Variants in MAP3K1 observed in about 807,000 individuals in gnomAD.
The protein encoded by MAP3K1 is mitogen-activated protein kinase kinase kinase 1.
A neutral mutation model predicts 144.2 loss-of-function variants in MAP3K1; 36 were observed. The ratio of observed to expected loss-of-function variants is 0.25; its 90% confidence interval spans 0.19 to 0.33. The LOEUF (loss-of-function observed/expected upper bound fraction) is 0.33, where lower values mean the gene tolerates loss of function less well. MAP3K1 is among the 10% of genes least tolerant of loss of function. MAP3K1 has a pLI of 1.00. For missense variants in MAP3K1, 1,650 were observed against 1,881.9 expected, an observed-to-expected ratio of 0.88 and a Z score of 2.28; for synonymous variants, 718 against 688.7, an observed-to-expected ratio of 1.04 and a Z score of -0.67.
Position 56,856,677 on chromosome 5 carries a change from A to G in MAP3K1, c.560A>G (p.Glu187Gly). 1 of 1,614,026 alleles carries G rather than the reference A, an allele frequency of 6.2e-7. No homozygotes were observed. Among genetic ancestry groups the G allele is most frequent in the Admixed American group, 1.7e-5 (1 of 60,016 alleles). Residue 187 changes from glutamate (E) to glycine (G), a missense_variant, in exon 2 of 20, where the codon GAG (glutamate) becomes GGG (glycine). This residue lies in a region of MAP3K1 where 148 missense variants were observed against 177.2 expected (regional missense o/e 0.84). Transcript: ENST00000399503. Reference protein sequence around the residue: ...DDRPEERMIREKLKATCMPAW... With the variant: ...DDRPEERMIRGKLKATCMPAW... ...CGTCCAGAGGAACGAATGATCAGGG[A>G]GAAACTGAAGGCAACCTGTATGCCA...
At chr5:56,819,826 C>G (rs761146332) in intron 1 of MAP3K1, among the ~76,000 whole-genome samples, 13 of 152,126 alleles carry the variant, frequency 8.5e-5, no homozygotes, top group African/African-American at 3.1e-4. Context: ...CTTTCTATAT[C>G]CTAAGTTAAA....
chr5:56,819,980 A>T (rs1346112267), intron 1 of MAP3K1, among the ~76,000 whole-genome samples: 1 of 152,200 alleles, frequency 6.6e-6, no homozygotes, highest in Non-Finnish European at 1.5e-5. Context: ...GAATTAGTAA[A>T]TGGTTCATTG....
chr5:56,884,139 A>T (rs988037912), intron 15 of MAP3K1, among the ~76,000 whole-genome samples: 1 of 152,016 alleles, frequency 6.6e-6, no homozygotes, highest in Non-Finnish European at 1.5e-5. Context: ...ACAGAGCAAG[A>T]CTGTCTCAAA....
intron 10 of MAP3K1, among the ~76,000 whole-genome samples, chr5:56,875,574 G>A (rs988977012): frequency 1.3e-5 from 2 of 152,052 alleles, no homozygotes. Context: ...GTATCCAAGG[G>A]AGAGAATATA....
intron 19 of MAP3K1, among the ~76,000 whole-genome samples, chr5:56,888,827 T>A (rs1369011298): frequency 1.3e-5 from 2 of 152,196 alleles, no homozygotes; most frequent in African/African-American, 2.4e-5. Flanking sequence ...AAAAATATCA[T>A]CAACTTAAAA....
chr5:56,866,959 G>A (rs1747692912), intron 6 of MAP3K1, among the ~76,000 whole-genome samples: 2 of 152,088 alleles, frequency 1.3e-5, no homozygotes, highest in South Asian at 4.1e-4. Context: ...GCTCATTTGA[G>A]GAAAGGTATA....
At chr5:56,889,747 C>G (rs2111967748) in intron 19 of MAP3K1, among the ~76,000 whole-genome samples, 1 of 152,104 alleles carries the variant, frequency 6.6e-6, no homozygotes. Context: ...AAAATTGGTG[C>G]AAGAACCCCA....
rs188425239 is a variant in MAP3K1 at position 56,867,401 on chromosome 5, G to A, written c.1301+1424G>A. ...ACAGAGGAAATTTATCTGGAGGTCT[G>A]ATTACATACAATTTTAAATGTTATG... On this transcript the variant is annotated intron_variant, in intron 6 of 19. Coordinates refer to ENST00000399503, the MANE Select transcript of MAP3K1 (RefSeq NM_005921.2). Among the ~76,000 whole-genome samples the A allele has an allele frequency of 2.2e-3, 329 of 152,048 alleles. 1 individual carries two copies. Among genetic ancestry groups the A allele is most frequent in the African/African-American group, 7.6e-3 (316 of 41,516 alleles).
chr5:56,867,545 T>G (rs1254231566), intron 6 of MAP3K1, among the ~76,000 whole-genome samples: 2 of 152,176 alleles, frequency 1.3e-5, no homozygotes, highest in Non-Finnish European at 2.9e-5. Context: ...ACAAAAACTG[T>G]TCAGTCAACC....
At chr5:56,847,979 G>A (rs1333128095) in intron 1 of MAP3K1, among the ~76,000 whole-genome samples, 1 of 152,104 alleles carries the variant, frequency 6.6e-6, no homozygotes, top group Non-Finnish European at 1.5e-5. Context: ...TTTTGAGCAT[G>A]TAAGAACATT....
intron 1 of MAP3K1, among the ~76,000 whole-genome samples, chr5:56,825,663 T>C (rs1746289868): frequency 6.6e-6 from 1 of 152,226 alleles, no homozygotes; most frequent in Non-Finnish European, 1.5e-5. Flanking sequence ...TGCTGTGCTC[T>C]TACTCTTCTG....
chr5:56,885,849 A>G (rs900299995), intron 16 of MAP3K1, 83 bp from the exon 17 acceptor site: 8 of 1,109,712 alleles, frequency 7.2e-6, no homozygotes, highest in Admixed American at 1.7e-5. Flanking sequence ...GAGTTCATGC[A>G]GTGAAAACTT....
intron 19 of MAP3K1, among the ~76,000 whole-genome samples, chr5:56,889,907 C>T (rs1561205563): frequency 6.6e-6 from 1 of 152,192 alleles, no homozygotes; most frequent in African/African-American, 2.4e-5. Flanking sequence ...AGTCACCTCT[C>T]TGACAATACC....
At chr5:56,833,172 G>C (rs863840) in intron 1 of MAP3K1, among the ~76,000 whole-genome samples, 117,760 of 152,186 alleles carry the variant, frequency 0.77, 45,905 homozygotes, top group Non-Finnish European at 0.82. Flanking sequence ...GCTCTGCCAT[G>C]ATTTTTTTGT....
chr5:56,836,840 G>A (rs1436530798), intron 1 of MAP3K1, among the ~76,000 whole-genome samples: 2 of 152,130 alleles, frequency 1.3e-5, no homozygotes, highest in Admixed American at 6.5e-5. Context: ...TTGGAACAGT[G>A]AACACAATCG....
At position 56,878,920 on chromosome 5, in the gene MAP3K1, G is replaced by A. The variant is rs184344562; in HGVS notation, c.1966-60G>A. On this transcript the variant is annotated intron_variant, in intron 10 of 19. Transcript: ENST00000399503. The stretch of plus-strand genomic sequence containing the variant: ...TGTTGCTCAAATTGTCTCAAATTAG[G>A]CCATTATCTCTGATGCTTTTTAAGT... 6.6e-6 allele frequency: 10 copies of A among 1,504,306 alleles called. No individual in the cohort carries two copies. In the East Asian group the frequency reaches 9.0e-5, roughly 14 times the overall value. 93.2% of individuals were successfully genotyped at this position (1,504,306 alleles called of 1,614,324 possible).
chr5:56,819,227 A>G (rs1352166393), intron 1 of MAP3K1, among the ~76,000 whole-genome samples: 1 of 152,204 alleles, frequency 6.6e-6, no homozygotes, highest in African/African-American at 2.4e-5. Flanking sequence ...TGGTTAACCA[A>G]CATTCCTTAA....
At chr5:56,839,905 T>C (rs1746760876) in intron 1 of MAP3K1, among the ~76,000 whole-genome samples, 1 of 8,590 alleles carries the variant, frequency 1.2e-4, no homozygotes, top group Admixed American at 6.1e-4. Context: ...AATAATCATC[T>C]TATTAATGTT....
chr5:56,890,299 A>C (rs1263503252), intron 19 of MAP3K1, among the ~76,000 whole-genome samples: 1 of 152,190 alleles, frequency 6.6e-6, no homozygotes, highest in Non-Finnish European at 1.5e-5. Context: ...ATTGTAAATA[A>C]TTTTCAAATT....
Sources: gnomAD v4.1 joint callset for allele counts (sites outside exome capture counted in the v4.1 genomes callset) on GRCh38, gnomAD v4.1.1 for gene constraint, gnomAD v4.1.1 regional missense constraint, MANE v1.5 for transcripts, NCBI Gene and HGNC (gene_info 2026-07-23, HGNC 2026-07-21) for gene names.